The following HIVEP3 variants were observed in gnomAD, a reference collection of about 807,000 sequenced individuals.
HIVEP3 encodes the protein HIVEP zinc finger 3.
Under a neutral mutation model 152.8 loss-of-function variants are expected in HIVEP3, and 49 were observed. The ratio of observed to expected loss-of-function variants is 0.32; its 90% CI spans 0.26 to 0.41. The LOEUF is 0.41. HIVEP3 is among the 10% of genes least tolerant of loss of function. The probability of loss-of-function intolerance (pLI) is 1.00; values close to 1 mark genes in which losing one functional copy is unlikely to be tolerated. For synonymous variants in HIVEP3, 1,269 were observed against 1,289.0 expected (o/e 0.98, Z 0.33); for missense variants, 2,790 against 3,103.3 (o/e 0.90, Z 2.40).
At chr1:42,031,027 C>A (rs975688931) in intron 1 of HIVEP3, among the ~76,000 whole-genome samples, 6 of 152,228 alleles carry the variant, frequency 3.9e-5, no homozygotes, top group Non-Finnish European at 7.3e-5. Flanking sequence ...CAGACTCTCT[C>A]ATCAACAGCC....
intron 1 of HIVEP3, among the ~76,000 whole-genome samples, chr1:41,753,496 C>T (rs1040901330): frequency 2.0e-5 from 3 of 151,822 alleles, no homozygotes; most frequent in East Asian, 1.9e-4. Context: ...GGTGAAATCC[C>T]GTCTCTACTA....
At position 41,664,577 on chromosome 1, in the gene HIVEP3, T is replaced by A. The variant is rs1018114421; in HGVS notation, c.-720-35630A>T. Among the ~76,000 whole-genome samples the A allele has an allele frequency of 1.3e-5, 2 of 152,216 alleles. No homozygotes were observed. The highest frequency in any genetic ancestry group is 4.8e-5 in the African/African-American group (2 of 41,436). The stretch of plus-strand genomic sequence containing the variant: ...AGCTTCAGGGAACTTTCCATCTTGA[T>A]CCCTCTCCCCTCCCAGGACTGATAA... On this transcript the variant is annotated intron_variant, in intron 2 of 8. Transcript: ENST00000372583. This position sits in a 1 kb window ranked among gnomAD's most constrained non-coding sequence, Gnocchi z 4.4.
chr1:41,885,562 G>A (rs1644331448), intron 1 of HIVEP3, among the ~76,000 whole-genome samples: 1 of 152,332 alleles, frequency 6.6e-6, no homozygotes, highest in African/African-American at 2.4e-5. Context: ...GCTACGCGGA[G>A]GCTGAGGCAT....
intron 1 of HIVEP3, among the ~76,000 whole-genome samples, chr1:41,744,195 C>T (rs190961663): frequency 9.2e-5 from 14 of 152,228 alleles, no homozygotes; most frequent in East Asian, 5.8e-4. Flanking sequence ...CCTGCCACCA[C>T]GCCCGGCTAA....
chr1:41,996,230 T>TA (rs113546918), intron 1 of HIVEP3, among the ~76,000 whole-genome samples: 2,171 of 148,562 alleles, frequency 0.015, 50 homozygotes, highest in African/African-American at 0.05. Context: ...TTATTTCTAT[T>TA]AAAAAAAAAA....
intron 1 of HIVEP3, among the ~76,000 whole-genome samples, chr1:41,953,462 T>C (rs1158892171): frequency 6.6e-6 from 1 of 152,204 alleles, no homozygotes; most frequent in East Asian, 1.9e-4. Context: ...AAGGGTAACT[T>C]AGCACAATGC....
rs367878383 is a variant in HIVEP3, at chr1:41,582,831, T to C, written c.1967A>G (p.Asp656Gly). The C allele has an allele frequency of 4.3e-6, 7 of 1,614,196 alleles. No individual in the cohort carries two copies. Among genetic ancestry groups the C allele is most frequent in the Non-Finnish European group, 5.9e-6 (7 of 1,180,034 alleles). Residue 656 changes from aspartate (D) to glycine (G), a missense_variant, in exon 4 of 9, where the codon GAT becomes GGT. Physicochemically the swap from Asp to Gly is moderately conservative, Grantham distance 94 (BLOSUM62 -1). Coordinates refer to ENST00000372583, the MANE Select transcript of HIVEP3 (RefSeq NM_024503.5). This position sits in a 1 kb window ranked among gnomAD's most constrained non-coding sequence, Gnocchi z 4.7. ...NICGARYKKR[D>G]NYEAHKKYYC... Reference sequence around the variant, plus strand: ...GTATTTTTTGTGGGCTTCGTAGTTATCCCTTTTCTTGTACCGAGCACCACA... The same window carrying C: ...GTATTTTTTGTGGGCTTCGTAGTTACCCCTTTTCTTGTACCGAGCACCACA...
At chr1:41,825,754 G>A (rs903027907) in intron 1 of HIVEP3, among the ~76,000 whole-genome samples, 1 of 152,000 alleles carries the variant, frequency 6.6e-6, no homozygotes, top group South Asian at 2.1e-4. Flanking sequence ...CTACAGGCGT[G>A]TGCCACCATG....
chr1:41,580,610 C>A lies in HIVEP3; in HGVS notation c.4188G>T (p.Leu1396=), dbSNP rs775520428. ...TTTCAGGTAATGTCACAGGCACTCT[C>A]AGGTATGGAGTTGGGAAAGCTCTGC... The part of the protein sequence containing the change: ...EQSRAFPTPY[L]RVPVTLPERK... Residue 1396 remains leucine (L), a synonymous_variant, in exon 4 of 9, where the codon CTG becomes CTT. Transcript: ENST00000372583. The A allele has an allele frequency of 6.2e-7, 1 of 1,614,168 alleles. No homozygotes were observed. The highest frequency in any genetic ancestry group is 2.2e-5 in the East Asian group (1 of 44,884).
intron 1 of HIVEP3, among the ~76,000 whole-genome samples, chr1:41,907,551 A>C (rs1440647342): frequency 1.3e-5 from 2 of 152,192 alleles, no homozygotes; most frequent in African/African-American, 4.8e-5. Context: ...CAGTAATGGG[A>C]AAAGAACGTG....
chr1:41,871,634 C>T (rs1644081741), intron 1 of HIVEP3, among the ~76,000 whole-genome samples: 1 of 152,230 alleles, frequency 6.6e-6, no homozygotes, highest in South Asian at 2.1e-4. Flanking sequence ...AGGGTGGGAT[C>T]AGGTTGATCT....
chr1:41,718,686 C>T (rs544388221), intron 1 of HIVEP3, among the ~76,000 whole-genome samples: 9 of 152,270 alleles, frequency 5.9e-5, no homozygotes, highest in East Asian at 1.9e-4. Flanking sequence ...TGGCCTGGCA[C>T]GAGTCCATTG....
At chr1:41,527,215 CT>C (rs1642992554) in intron 5 of HIVEP3, among the ~76,000 whole-genome samples, 1 of 112,810 alleles carries the variant, frequency 8.9e-6, no homozygotes, top group Non-Finnish European at 2.1e-5. Context: ...CATGCTCACC[CT>C]CACACACTCA....
intron 1 of HIVEP3, among the ~76,000 whole-genome samples, chr1:41,770,564 C>T (rs1648289474): frequency 6.6e-6 from 1 of 152,118 alleles, no homozygotes; most frequent in Admixed American, 6.6e-5. Context: ...ATGCGCCCCC[C>T]AATATAATGC....
chr1:41,605,083 T>G, intron 3 of HIVEP3, among the ~76,000 whole-genome samples: 1 of 135,300 alleles, frequency 7.4e-6, no homozygotes. Flanking sequence ...CCAGTCTGGG[T>G]GACAGAATGA....
At chr1:41,542,827 A>T in intron 5 of HIVEP3, 1 of 163,856 alleles carries the variant, frequency 6.1e-6, no homozygotes, top group Non-Finnish European at 1.4e-5. Context: ...ACGGAGCTTG[A>T]ACCACTCTTC....
At chr1:41,771,258 T>C (rs549519005) in intron 1 of HIVEP3, among the ~76,000 whole-genome samples, 2 of 151,860 alleles carry the variant, frequency 1.3e-5, no homozygotes, top group African/African-American at 4.8e-5. Flanking sequence ...TAAAAGTTGG[T>C]CTGTGAAGAC....
intron 3 of HIVEP3, among the ~76,000 whole-genome samples, chr1:41,603,462 C>T (rs924344941): frequency 1.3e-5 from 2 of 152,066 alleles, no homozygotes; most frequent in Non-Finnish European, 2.9e-5. Flanking sequence ...CAGGTTCAAG[C>T]GATTCTCCTG....
intron 3 of HIVEP3, among the ~76,000 whole-genome samples, chr1:41,586,035 C>A (rs899242969): frequency 2.6e-5 from 4 of 152,240 alleles, no homozygotes; most frequent in Non-Finnish European, 5.9e-5. Flanking sequence ...AACTTACAAT[C>A]TGACACAGCT....
Sources: gnomAD v4.1 joint callset for allele counts (sites outside exome capture counted in the v4.1 genomes callset) on GRCh38, gnomAD v4.1.1 for gene constraint, Gnocchi (gnomAD v3.1) non-coding constraint, MANE v1.5 for transcripts, NCBI Gene and HGNC (gene_info 2026-07-23, HGNC 2026-07-21) for gene names.